The following BARX2 variants were observed in gnomAD, a reference collection of about 807,000 sequenced individuals.
The protein encoded by BARX2 is BARX homeobox 2.
A neutral mutation model predicts 25.5 loss-of-function variants in BARX2; 11 were observed. The ratio of observed to expected loss-of-function variants is 0.43; its 90% CI spans 0.27 to 0.71. The LOEUF is 0.71. Among genes scored for constraint, BARX2 ranks in the 30% least tolerant of loss-of-function variants. BARX2 has a pLI of 0.19. For missense variants in BARX2, 360 were observed against 359.9 expected (o/e 1.00, Z 0.00); for synonymous variants, 137 against 149.5 (o/e 0.92, Z 0.61).
intron 1 of BARX2, among the ~76,000 whole-genome samples, chr11:129,424,872 A>G (rs1862046292): frequency 6.6e-6 from 1 of 152,230 alleles, no homozygotes; most frequent in Non-Finnish European, 1.5e-5. Context: ...GGATGAGGTT[A>G]GCACAACAAA....
chr11:129,399,529 G>A (rs1026883059), intron 1 of BARX2, among the ~76,000 whole-genome samples: 1 of 152,118 alleles, frequency 6.6e-6, no homozygotes, highest in Non-Finnish European at 1.5e-5. Context: ...CCCAGAATTG[G>A]GGCTTAGTCT....
rs904241717 is a variant in BARX2 at position 129,451,688 on chromosome 11, G to A, written c.*286G>A. 2 of 425,644 alleles carry A rather than the reference G, an allele frequency of 4.7e-6. No homozygotes were observed. The highest frequency in any genetic ancestry group is 7.5e-5 in the Admixed American group (2 of 26,536). 26.4% of individuals were successfully genotyped at this position (425,644 alleles called of 1,614,324 possible). On this transcript the variant is annotated 3_prime_UTR_variant, in exon 4 of 4. Coordinates refer to ENST00000281437, the MANE Select transcript of BARX2 (RefSeq NM_003658.5). ...GCCTGCCCCAGCTGGGGTGACGGCT[G>A]TAGGGCTGGGTCTATGTTGCAAGCC...
chr11:129,428,795 A>G (rs1862096529), intron 1 of BARX2, among the ~76,000 whole-genome samples: 2 of 152,170 alleles, frequency 1.3e-5, no homozygotes, highest in South Asian at 2.1e-4. Flanking sequence ...ATTTGTTGAC[A>G]ATGGTGATCC....
chr11:129,418,115 A>G (rs1392277460), intron 1 of BARX2, among the ~76,000 whole-genome samples: 1 of 152,182 alleles, frequency 6.6e-6, no homozygotes, highest in Non-Finnish European at 1.5e-5. Flanking sequence ...GTTTTGTACC[A>G]CATTTGGTAG....
In BARX2 at chr11:129,437,077, C is replaced by A. The variant is rs201351042; in HGVS notation, c.488+26C>A. The A allele has an allele frequency of 2.0e-6, 3 of 1,517,240 alleles. No homozygotes were observed. The East Asian group carries it at 7.0e-5, about 35-fold the overall frequency. 94.0% of individuals were successfully genotyped at this position (1,517,240 alleles called of 1,614,324 possible). ...GTGAGGACGCAGGGAAGGGACTCTC[C>A]GCAGTGAAGGCCCCTGGGAACGGGA... On this transcript the variant is annotated intron_variant, in intron 2 of 3. Coordinates refer to ENST00000281437, the MANE Select transcript of BARX2 (RefSeq NM_003658.5).
chr11:129,396,020 C>G (rs532953120), intron 1 of BARX2, among the ~76,000 whole-genome samples: 131 of 152,284 alleles, frequency 8.6e-4, no homozygotes, highest in Admixed American at 2.5e-3. Context: ...CTGCAAGAAG[C>G]TAGGGGTGTA....
intron 1 of BARX2, among the ~76,000 whole-genome samples, chr11:129,396,295 T>C (rs1453055728): frequency 6.6e-6 from 1 of 152,190 alleles, no homozygotes; most frequent in Non-Finnish European, 1.5e-5. Flanking sequence ...GTAGGTAATA[T>C]GTTTTCTCTT....
At chr11:129,438,025 T>TAA (rs11456583) in intron 2 of BARX2, 215 of 141,384 alleles carry the variant, frequency 1.5e-3, no homozygotes, top group East Asian at 3.3e-3. Flanking sequence ...CCTGTCTCCT[T>TAA]AAAAAAAAAA....
At chr11:129,379,626 C>A (rs924902428) in intron 1 of BARX2, among the ~76,000 whole-genome samples, 2 of 151,906 alleles carry the variant, frequency 1.3e-5, no homozygotes, top group Non-Finnish European at 2.9e-5. Context: ...ATTTTTGAAG[C>A]CTCTGCCTTT....
chr11:129,414,836 A>G (rs939618747), intron 1 of BARX2, among the ~76,000 whole-genome samples: 2 of 152,242 alleles, frequency 1.3e-5, no homozygotes, highest in Non-Finnish European at 2.9e-5. Flanking sequence ...TGATTTTCAT[A>G]AGGGCTAAAG....
intron 1 of BARX2, among the ~76,000 whole-genome samples, chr11:129,381,375 GTTTGT>G (rs374127750): frequency 1.6e-3 from 249 of 152,062 alleles, no homozygotes; most frequent in Non-Finnish European, 2.4e-3. Context: ...GCCCTTCTTT[GTTTGT>G]TTTGTTTTGT....
chr11:129,414,621 T>A (rs1565515606), intron 1 of BARX2, among the ~76,000 whole-genome samples: 1 of 152,218 alleles, frequency 6.6e-6, no homozygotes, highest in African/African-American at 2.4e-5. Context: ...CTAACCCATG[T>A]CCTCAAATCC....
intron 1 of BARX2, among the ~76,000 whole-genome samples, chr11:129,389,739 A>T (rs534978253): frequency 6.9e-6 from 1 of 145,838 alleles, no homozygotes. Context: ...AAAAAAAATG[A>T]AACTATTCTT....
At position 129,390,696 on chromosome 11, in the gene BARX2, G is replaced by A. The variant is rs1369361630; in HGVS notation, c.187+14474G>A. On this transcript the variant is annotated intron_variant, in intron 1 of 3. Transcript: ENST00000281437. This position sits in a 1 kb window ranked among gnomAD's most constrained non-coding sequence, Gnocchi z 4.3. ...ATTTCATTTGGAAATGGCCCTGTGA[G>A]TACGTGCTTATTTTCAGAGGCGTTC... Among the ~76,000 whole-genome samples, 2 of 152,192 alleles carry A rather than the reference G, an allele frequency of 1.3e-5. No individual in the cohort carries two copies. The highest frequency in any genetic ancestry group is 2.9e-5 in the Non-Finnish European group (2 of 68,032).
At chr11:129,450,889 G>T (rs1288125999) in intron 3 of BARX2, among the ~76,000 whole-genome samples, 1 of 152,050 alleles carries the variant, frequency 6.6e-6, no homozygotes, top group African/African-American at 2.4e-5. Flanking sequence ...GTTGAATTCT[G>T]AAGCTGCCTA....
chr11:129,443,009 G>A lies in BARX2; in HGVS notation c.573+90G>A, dbSNP rs1020133474. The A allele has an allele frequency of 1.2e-5, 14 of 1,217,124 alleles. No homozygotes were observed. The East Asian group carries it at 3.1e-4, about 27-fold the overall frequency. 75.4% of individuals were successfully genotyped at this position (1,217,124 alleles called of 1,614,324 possible). On this transcript the variant is annotated intron_variant, in intron 3 of 3. Coordinates refer to ENST00000281437, the MANE Select transcript of BARX2 (RefSeq NM_003658.5). ...GGGAGGGAGGCCGGACCATTTGGCA[G>A]TTTGGGCTGCAGAGATTGGAAGGCC... is the stretch of plus-strand genomic sequence containing the variant.
At chr11:129,395,576 C>T (rs532744160) in intron 1 of BARX2, among the ~76,000 whole-genome samples, 73 of 152,288 alleles carry the variant, frequency 4.8e-4, no homozygotes, top group African/African-American at 1.7e-3. Context: ...CTCCCGGTCA[C>T]ACCCCTCCAG....
At chr11:129,402,569 G>C (rs1312340520) in intron 1 of BARX2, among the ~76,000 whole-genome samples, 1 of 152,116 alleles carries the variant, frequency 6.6e-6, no homozygotes, top group African/African-American at 2.4e-5. Flanking sequence ...TTCATTTATA[G>C]TATTTTATAC....
chr11:129,419,137 GC>G (rs760649801), intron 1 of BARX2, among the ~76,000 whole-genome samples: 101 of 152,294 alleles, frequency 6.6e-4, no homozygotes, highest in Non-Finnish European at 1.1e-3. Context: ...TCCAGGGCCG[GC>G]CCCCGCCTGG....
Sources: allele counts gnomAD v4.1 joint callset (sites outside exome capture counted in the v4.1 genomes callset), GRCh38; gene constraint gnomAD v4.1.1; non-coding constraint Gnocchi (gnomAD v3.1); transcripts MANE v1.5; gene names NCBI Gene and HGNC (gene_info 2026-07-23, HGNC 2026-07-21).